KGD4: variants seen among roughly 807,000 people sequenced by gnomAD.
KGD4 encodes alpha-ketoglutarate dehydrogenase component 4.
the KGD4 span, among the ~76,000 whole-genome samples, chr5:69,220,769 G>A: frequency 6.6e-6 from 1 of 152,106 alleles, no homozygotes; most frequent in Admixed American, 6.6e-5. Flanking sequence ...GGAAAAGAAA[G>A]AGAGATCAGA....
chr5:69,229,161 G>C, the KGD4 span: 5 of 1,543,962 alleles, frequency 3.2e-6, no homozygotes, highest in Non-Finnish European at 4.5e-6. Flanking sequence ...AACATTTCCT[G>C]AGTCAATTTA....
At chr5:69,221,779 A>G in the KGD4 span, among the ~76,000 whole-genome samples, 3 of 151,982 alleles carry the variant, frequency 2.0e-5, no homozygotes, top group Non-Finnish European at 2.9e-5. Flanking sequence ...TCATTAAAAT[A>G]AAAAATTCTG....
At chr5:69,229,059 A>G in the KGD4 span, 1 of 417,364 alleles carries the variant, frequency 2.4e-6, no homozygotes, top group Non-Finnish European at 4.5e-6. Context: ...AATTGATATG[A>G]GTACCCAAAA....
chr5:69,223,241 GCTA>G, the KGD4 span, among the ~76,000 whole-genome samples: 1 of 151,488 alleles, frequency 6.6e-6, no homozygotes, highest in East Asian at 1.9e-4. Context: ...ACCACGCCTG[GCTA>G]CTTTTTTTGT....
At chr5:69,219,160 G>A in the KGD4 span, among the ~76,000 whole-genome samples, 2 of 152,190 alleles carry the variant, frequency 1.3e-5, no homozygotes, top group Non-Finnish European at 2.9e-5. Context: ...AGAATGTGAA[G>A]CGTCTGAAAC....
chr5:69,217,879 A>G, the KGD4 span: 9 of 1,613,576 alleles, frequency 5.6e-6, no homozygotes, highest in South Asian at 6.6e-5. Flanking sequence ...CAGGTAAAGC[A>G]ATTTGTCGCG....
At chr5:69,217,899 C>A in the KGD4 span, 1 of 1,613,950 alleles carries the variant, frequency 6.2e-7, no homozygotes, top group South Asian at 1.1e-5. Context: ...GTTTCCGCAT[C>A]TTGGGCGGTA....
At chr5:69,227,778 A>G in the KGD4 span, among the ~76,000 whole-genome samples, 4 of 152,168 alleles carry the variant, frequency 2.6e-5, no homozygotes, top group African/African-American at 7.2e-5. Context: ...CTAACTAGAA[A>G]TTTCATTATT....
chr5:69,226,325 A>G, the KGD4 span: 18 of 1,578,468 alleles, frequency 1.1e-5, no homozygotes, highest in Non-Finnish European at 1.6e-5. Flanking sequence ...CATGCATATT[A>G]CTTTTCATTT....
the KGD4 span, among the ~76,000 whole-genome samples, chr5:69,229,025 A>G: frequency 6.8e-6 from 1 of 147,886 alleles, no homozygotes; most frequent in South Asian, 2.1e-4. Flanking sequence ...CCATCTCAAA[A>G]AAAAAAAAAA....
chr5:69,228,278 C>T, the KGD4 span: 1 of 1,609,410 alleles, frequency 6.2e-7, no homozygotes, highest in Non-Finnish European at 8.5e-7. Flanking sequence ...AGTAAATCAC[C>T]AGATTTGCTG....
the KGD4 span, chr5:69,226,526 A>G: frequency 7.3e-6 from 5 of 681,080 alleles, no homozygotes; most frequent in Non-Finnish European, 1.2e-5. Flanking sequence ...TTAGATCAAA[A>G]TAGTGCCTTA....
the KGD4 span, among the ~76,000 whole-genome samples, chr5:69,225,299 C>G: frequency 1.4e-5 from 2 of 138,052 alleles, no homozygotes; most frequent in African/African-American, 5.3e-5. Context: ...GAGTCTCGCT[C>G]TGTGGTCAGA....
At chr5:69,228,327 A>C in the KGD4 span, 1 of 1,602,964 alleles carries the variant, frequency 6.2e-7, no homozygotes, top group Non-Finnish European at 8.5e-7. Context: ...AAATAATAAA[A>C]ACATTACCTC....
the KGD4 span, among the ~76,000 whole-genome samples, chr5:69,219,699 GAA>G: frequency 6.6e-6 from 1 of 151,664 alleles, no homozygotes; most frequent in African/African-American, 2.4e-5. Context: ...TAAAAAAAAA[GAA>G]AAAAAGAGAG....
chr5:69,226,383 G>A, the KGD4 span: 1 of 1,608,032 alleles, frequency 6.2e-7, no homozygotes, highest in Admixed American at 1.7e-5. Context: ...TGACAGAAGA[G>A]ACAATCCTAA....
chr5:69,226,306 A>G, the KGD4 span: 18 of 1,449,938 alleles, frequency 1.2e-5, no homozygotes, highest in African/African-American at 4.2e-5. Flanking sequence ...AGTTAATGAG[A>G]TTGTTTTTCA....
chr5:69,227,619 T>C, the KGD4 span, among the ~76,000 whole-genome samples: 142 of 152,322 alleles, frequency 9.3e-4, no homozygotes, highest in African/African-American at 3.3e-3. Context: ...AGTGTAAAGA[T>C]ATTGAGAAAA....
chr5:69,220,992 G>A, the KGD4 span, among the ~76,000 whole-genome samples: 6 of 152,126 alleles, frequency 3.9e-5, no homozygotes, highest in Admixed American at 3.9e-4. Flanking sequence ...CAGCATGCTC[G>A]TTAAGAGTCA....
Sources: gnomAD v4.1 joint callset for allele counts (sites outside exome capture counted in the v4.1 genomes callset) on GRCh38, gnomAD v4.1.1 for gene constraint, MANE v1.5 for transcripts, NCBI Gene and HGNC (gene_info 2026-07-23, HGNC 2026-07-21) for gene names.